The following ATG5 variants were observed in gnomAD, a reference collection of about 807,000 sequenced individuals.
ATG5 encodes autophagy protein 5.
Under a neutral mutation model 36.5 loss-of-function variants are expected in ATG5, and 14 were observed. That is an observed-to-expected ratio of 0.38 (90% CI 0.25 to 0.60). The LOEUF is 0.60. ATG5 is among the 20% of genes least tolerant of loss of function. The pLI, the probability that ATG5 is intolerant of heterozygous loss-of-function variation, is 0.60. For missense variants in ATG5, 195 were observed against 326.7 expected (o/e 0.60, Z 3.11); for synonymous variants, 95 against 101.5 (o/e 0.94, Z 0.38).
At chr6:106,319,481 T>C (rs144653646) in intron 1 of ATG5, among the ~76,000 whole-genome samples, 236 of 152,278 alleles carry the variant, frequency 1.5e-3, no homozygotes, top group African/African-American at 5.5e-3. Flanking sequence ...CAAAGTATAA[T>C]CTCCAAATCT....
chr6:106,277,927 G>C (rs1187248113), intron 5 of ATG5, among the ~76,000 whole-genome samples: 1 of 152,070 alleles, frequency 6.6e-6, no homozygotes, highest in East Asian at 1.9e-4. Context: ...ACTGAGAACT[G>C]TTTTATTTTT....
rs559287781 is a variant in ATG5 at position 106,184,733 on chromosome 6, A to C, written c.*1807T>G. ...CACTCAAGCCTACTGCAAAGGCCTG[A>C]CACTGGTTTTGTCTGTATAAAACTA... On this transcript the variant is annotated 3_prime_UTR_variant, in exon 8 of 8. Coordinates refer to ENST00000369076, the MANE Select transcript of ATG5 (RefSeq NM_004849.4). 2 of 152,292 alleles carry C rather than the reference A, an allele frequency of 1.3e-5. No homozygotes were observed. Among genetic ancestry groups the C allele is most frequent in the Non-Finnish European group, 2.9e-5 (2 of 68,004 alleles). 9.4% of individuals were successfully genotyped at this position (152,292 alleles called of 1,614,324 possible).
intron 6 of ATG5, 90 bp downstream of exon 6, chr6:106,248,054 AGTTACT>A: frequency 3.3e-6 from 3 of 903,528 alleles, no homozygotes; most frequent in Non-Finnish European, 5.2e-6. Context: ...AATACCGTTT[AGTTACT>A]ATGCAGACAA....
intron 5 of ATG5, among the ~76,000 whole-genome samples, chr6:106,251,601 A>AT (rs1444286441): frequency 8.0e-5 from 2 of 25,144 alleles, no homozygotes; most frequent in Non-Finnish European, 7.5e-5. Context: ...TTAAAAAGGT[A>AT]TTTTCCCAGC....
chr6:106,263,222 C>G lies in ATG5; in HGVS notation c.479-14978G>C, dbSNP rs191104164. On this transcript the variant is annotated intron_variant, in intron 5 of 7. Transcript: ENST00000369076. ...TTTTCCTCTGACAGTGCTAAGGAGTCTGGGAGGTCTGGACTGAGCGGAATT... is the reference window on the plus strand; with the variant it reads ...TTTTCCTCTGACAGTGCTAAGGAGTGTGGGAGGTCTGGACTGAGCGGAATT... Among the ~76,000 whole-genome samples the G allele has an allele frequency of 6.5e-3, 985 of 152,310 alleles. 7 individuals are homozygous for G. Among genetic ancestry groups the G allele is most frequent in the Middle Eastern group, 0.034 (10 of 294 alleles).
chr6:106,316,717 CAAAACTA>C (rs1208322183), intron 1 of ATG5, among the ~76,000 whole-genome samples: 1 of 152,170 alleles, frequency 6.6e-6, no homozygotes, highest in African/African-American at 2.4e-5. Flanking sequence ...TCTCTTCCTG[CAAAACTA>C]CTCTCCCATC....
At chr6:106,316,343 A>G (rs976841437) in intron 1 of ATG5, 77 bp from the exon 2 acceptor site, 28 of 508,090 alleles carry the variant, frequency 5.5e-5, no homozygotes, top group African/African-American at 5.0e-4. Context: ...AGATTATTTT[A>G]AAAAATCCAT....
intron 5 of ATG5, among the ~76,000 whole-genome samples, chr6:106,251,245 A>G (rs767769052): frequency 5.3e-5 from 8 of 152,190 alleles, no homozygotes; most frequent in East Asian, 3.9e-4. Context: ...CTGACTGCCA[A>G]TGTACTACAT....
intron 5 of ATG5, among the ~76,000 whole-genome samples, chr6:106,264,718 C>G (rs1343446170): frequency 6.6e-6 from 1 of 152,090 alleles, no homozygotes; most frequent in Non-Finnish European, 1.5e-5. Flanking sequence ...AATTTTCAAC[C>G]CAGAATTTCA....
intron 6 of ATG5, chr6:106,217,611 G>A (rs1311448317): frequency 1.3e-5 from 2 of 152,160 alleles, no homozygotes. Flanking sequence ...CCTGAATGGG[G>A]AAGAGAAACG....
At chr6:106,252,013 G>A (rs1458266451) in intron 5 of ATG5, among the ~76,000 whole-genome samples, 1 of 152,046 alleles carries the variant, frequency 6.6e-6, no homozygotes, top group Non-Finnish European at 1.5e-5. Flanking sequence ...GCTAATTTTT[G>A]TATTTTTAGT....
chr6:106,308,268 T>A (rs1280740068), intron 3 of ATG5, 96 bp downstream of exon 3: 19 of 1,078,920 alleles, frequency 1.8e-5, no homozygotes, highest in Non-Finnish European at 2.4e-5. Context: ...ATGACTTCTA[T>A]CCTCGCAGGA....
rs1427997408 is a variant in ATG5 at position 106,185,726 on chromosome 6, C to T, written c.*814G>A. On this transcript the variant is annotated 3_prime_UTR_variant, in exon 8 of 8. Transcript: ENST00000369076. ...AAGATGAACAGTTACAATATTTATA[C>T]GTGTAGTGTGTAAAGAACACAGGTT... The T allele has an allele frequency of 2.0e-5, 3 of 152,262 alleles. No individual in the cohort carries two copies. Among genetic ancestry groups the T allele is most frequent in the East Asian group, 1.9e-4 (1 of 5,338 alleles). 9.4% of individuals were successfully genotyped at this position (152,262 alleles called of 1,614,324 possible). A position where few individuals can be genotyped will look rare whatever the true frequency, so the allele number is the denominator to read the frequency against.
chr6:106,313,309 G>A (rs933713109), intron 2 of ATG5, among the ~76,000 whole-genome samples: 27 of 152,158 alleles, frequency 1.8e-4, no homozygotes, highest in African/African-American at 6.5e-4. Flanking sequence ...GAGGAAGTGA[G>A]GTCACCTGTT....
At chr6:106,261,776 G>C (rs1172016482) in intron 5 of ATG5, among the ~76,000 whole-genome samples, 1 of 152,166 alleles carries the variant, frequency 6.6e-6, no homozygotes, top group East Asian at 1.9e-4. Context: ...TATTGACAGA[G>C]CCTATTGTTA....
chr6:106,323,745 A>G (rs1771191310), intron 1 of ATG5, among the ~76,000 whole-genome samples: 1 of 152,198 alleles, frequency 6.6e-6, no homozygotes, highest in African/African-American at 2.4e-5. Context: ...TGCTGCATAC[A>G]GTCAACATAG....
intron 6 of ATG5, among the ~76,000 whole-genome samples, chr6:106,244,754 T>C (rs1038808980): frequency 5.9e-5 from 9 of 152,262 alleles, no homozygotes; most frequent in African/African-American, 1.9e-4. Flanking sequence ...CCCTTGTGCA[T>C]AGCACAGGGC....
chr6:106,271,195 C>T (rs1179446744), intron 5 of ATG5, among the ~76,000 whole-genome samples: 1 of 152,186 alleles, frequency 6.6e-6, no homozygotes, highest in East Asian at 1.9e-4. Context: ...GGCCACACTT[C>T]CTCCTCAGTC....
intron 5 of ATG5, among the ~76,000 whole-genome samples, chr6:106,272,639 T>G (rs1257459208): frequency 6.6e-6 from 1 of 152,200 alleles, no homozygotes; most frequent in Non-Finnish European, 1.5e-5. Context: ...GCTCCTCTGC[T>G]ACCCTACACA....
Sources: gnomAD v4.1 joint callset for allele counts (sites outside exome capture counted in the v4.1 genomes callset) on GRCh38, gnomAD v4.1.1 for gene constraint, MANE v1.5 for transcripts, NCBI Gene and HGNC (gene_info 2026-07-23, HGNC 2026-07-21) for gene names.